The following BCAR3 variants were observed in gnomAD, a reference collection of about 807,000 sequenced individuals.
BCAR3 encodes breast cancer anti-estrogen resistance protein 3.
BCAR3 carries 37 observed loss-of-function variants against 80.1 expected under a neutral mutation model. The ratio of observed to expected loss-of-function variants is 0.46; its 90% CI spans 0.36 to 0.61. BCAR3 has a LOEUF of 0.61. BCAR3 is among the 20% of genes least tolerant of loss of function. BCAR3 has a pLI of 0.00. For missense variants in BCAR3, 978 were observed against 1,068.2 expected, an observed-to-expected ratio of 0.92 and a Z score of 1.18; for synonymous variants, 389 against 418.9, an observed-to-expected ratio of 0.93 and a Z score of 0.87.
intron 2 of BCAR3, among the ~76,000 whole-genome samples, chr1:93,708,864 G>C (rs1440423271): frequency 1.3e-5 from 2 of 152,224 alleles, no homozygotes; most frequent in Non-Finnish European, 2.9e-5. Flanking sequence ...GCAGGAGGAG[G>C]TTGGCAGGCT....
At chr1:93,709,473 C>G (rs1308902838) in intron 2 of BCAR3, among the ~76,000 whole-genome samples, 1 of 152,226 alleles carries the variant, frequency 6.6e-6, no homozygotes, top group East Asian at 1.9e-4. Context: ...GTCCCTTGCC[C>G]TTCAGTGAAG....
chr1:93,658,481 T>C (rs1647494868), intron 2 of BCAR3, among the ~76,000 whole-genome samples: 1 of 150,338 alleles, frequency 6.7e-6, no homozygotes, highest in Non-Finnish European at 1.5e-5. Flanking sequence ...ACCCCGTCTC[T>C]ACAAAAAAAA....
chr1:93,643,920 T>G (rs1443647930), intron 2 of BCAR3, among the ~76,000 whole-genome samples: 1 of 152,216 alleles, frequency 6.6e-6, no homozygotes, highest in African/African-American at 2.4e-5. Flanking sequence ...TACTGAGGAC[T>G]AAGCTCAGAT....
chr1:93,741,748 A>G (rs1366796060), intron 2 of BCAR3, among the ~76,000 whole-genome samples: 1 of 151,820 alleles, frequency 6.6e-6, no homozygotes, highest in African/African-American at 2.4e-5. Flanking sequence ...TTTTTGTATT[A>G]TTAGTAGAGA....
At chr1:93,761,278 G>C (rs2100726723) in intron 2 of BCAR3, among the ~76,000 whole-genome samples, 1 of 152,270 alleles carries the variant, frequency 6.6e-6, no homozygotes, top group Admixed American at 6.5e-5. Context: ...CCAACGTCCT[G>C]AGCCAGTTTT....
chr1:93,789,446 T>C (rs1653061681), intron 2 of BCAR3, among the ~76,000 whole-genome samples: 1 of 152,230 alleles, frequency 6.6e-6, no homozygotes, highest in South Asian at 2.1e-4. Flanking sequence ...TATAGTCAAG[T>C]TGCAAGAATA....
intron 2 of BCAR3, among the ~76,000 whole-genome samples, chr1:93,713,541 G>C (rs1650096806): frequency 6.6e-6 from 1 of 152,108 alleles, no homozygotes; most frequent in South Asian, 2.1e-4. Context: ...CTCATTTCAG[G>C]GTAGGGCAAG....
intron 2 of BCAR3, among the ~76,000 whole-genome samples, chr1:93,730,800 T>A (rs2100683100): frequency 6.6e-6 from 1 of 152,320 alleles, no homozygotes; most frequent in East Asian, 1.9e-4. Flanking sequence ...ATCCGGAAGG[T>A]GGAGCTTACC....
At chr1:93,781,108 C>G (rs1033271551) in intron 2 of BCAR3, among the ~76,000 whole-genome samples, 10 of 152,248 alleles carry the variant, frequency 6.6e-5, no homozygotes, top group African/African-American at 2.4e-4. Context: ...ACTAAAGCAC[C>G]TGCCCCTAGT....
intron 7 of BCAR3, among the ~76,000 whole-genome samples, chr1:93,581,411 A>ATT (rs201034104): frequency 2.1e-5 from 3 of 144,362 alleles, no homozygotes; most frequent in South Asian, 2.2e-4. Context: ...GTATTTTAGA[A>ATT]TTTTTTTTTT....
chr1:93,568,816 A>G (rs982333296), intron 9 of BCAR3, among the ~76,000 whole-genome samples: 1 of 152,114 alleles, frequency 6.6e-6, no homozygotes, highest in Non-Finnish European at 1.5e-5. Context: ...TCGTCTCTTA[A>G]AGAGTTTTAT....
intron 3 of BCAR3, among the ~76,000 whole-genome samples, chr1:93,701,991 C>G (rs182239236): frequency 6.6e-6 from 1 of 152,162 alleles, no homozygotes; most frequent in Non-Finnish European, 1.5e-5. Context: ...CATCCAGGAG[C>G]CTGTGGCTTG....
At chr1:93,722,994 A>T (rs1241625125) in intron 2 of BCAR3, among the ~76,000 whole-genome samples, 1 of 152,200 alleles carries the variant, frequency 6.6e-6, no homozygotes, top group Non-Finnish European at 1.5e-5. Context: ...ACAAAGAAGC[A>T]GCCGTGATTA....
rs527531296 is a variant in BCAR3 at position 93,799,997 on chromosome 1, A to T, written c.-63+45570T>A. 5.2e-4 allele frequency among the ~76,000 whole-genome samples: 79 copies of T among 152,322 alleles called. 1 individual carries two copies. The South Asian group carries it at 0.015, about 28-fold the overall frequency. ...ATGATGGGGAATCACAATCTTGTTA[A>T]TGGTTCTCTAATCTTGTATAAACCT... On this transcript the variant is annotated intron_variant, in intron 2 of 13. Transcript: ENST00000370244.
intron 3 of BCAR3, among the ~76,000 whole-genome samples, chr1:93,633,696 G>A (rs571846499): frequency 2.6e-5 from 4 of 152,162 alleles, no homozygotes; most frequent in Non-Finnish European, 5.9e-5. Flanking sequence ...GTGCAGTGGC[G>A]CAATCTTTGC....
At chr1:93,847,888 C>T (rs565398391), upstream of BCAR3, 6 of 242,570 alleles carry the variant, frequency 2.5e-5, no homozygotes, top group South Asian at 2.2e-4. Context: ...GATGTAGGTC[C>T]TGAGAAGAGC....
At chr1:93,718,637 A>ATAAAG (rs1290016661) in intron 2 of BCAR3, among the ~76,000 whole-genome samples, 1 of 151,478 alleles carries the variant, frequency 6.6e-6, no homozygotes, top group Non-Finnish European at 1.5e-5. Context: ...ATGCTTGGCC[A>ATAAAG]TAAAGTAAAT....
intron 2 of BCAR3, among the ~76,000 whole-genome samples, chr1:93,817,374 T>C (rs980752530): frequency 1.3e-5 from 2 of 152,244 alleles, no homozygotes; most frequent in African/African-American, 4.8e-5. Flanking sequence ...TCCATGGTTT[T>C]TGAAAGCTAC....
At chr1:93,837,057 T>C (rs1199420687) in intron 2 of BCAR3, among the ~76,000 whole-genome samples, 8 of 152,032 alleles carry the variant, frequency 5.3e-5, no homozygotes, top group African/African-American at 1.9e-4. Context: ...CAAAGCCTGT[T>C]TGGTGGTCTC....
Sources: allele counts gnomAD v4.1 joint callset (sites outside exome capture counted in the v4.1 genomes callset), GRCh38; gene constraint gnomAD v4.1.1; transcripts MANE v1.5; gene names NCBI Gene and HGNC (gene_info 2026-07-23, HGNC 2026-07-21).